Variants in SCARA5 observed in about 807,000 individuals in gnomAD.
The protein encoded by SCARA5 is scavenger receptor class A member 5, also known as scavenger receptor class A, member 5 (putative).
In SCARA5, 45 loss-of-function variants were observed where a neutral mutation model predicts 46.3. The ratio of observed to expected loss-of-function variants is 0.97; its 90% CI spans 0.76 to 1.24. The LOEUF is 1.24. Among genes scored for constraint, SCARA5 ranks in the 50% most tolerant of loss-of-function variants. The pLI, the probability that SCARA5 is intolerant of heterozygous loss-of-function variation, is 0.00. For synonymous variants in SCARA5, 333 were observed against 306.5 expected (o/e 1.09, Z -0.90); for missense variants, 680 against 689.0 (o/e 0.99, Z 0.15).
chr8:27,983,164 C>A (rs189230650), intron 2 of SCARA5, among the ~76,000 whole-genome samples: 2 of 152,302 alleles, frequency 1.3e-5, no homozygotes, highest in Non-Finnish European at 2.9e-5. Context: ...GACTCCTCAG[C>A]ACTTCTGCCT....
intron 4 of SCARA5, among the ~76,000 whole-genome samples, chr8:27,920,848 C>T (rs772511407): frequency 2.4e-4 from 36 of 151,358 alleles, no homozygotes; most frequent in Non-Finnish European, 3.8e-4. Flanking sequence ...AGTTACAGGG[C>T]GCCTGTAGTC....
At chr8:27,881,961 C>T (rs1320934607) in intron 7 of SCARA5, among the ~76,000 whole-genome samples, 1 of 152,194 alleles carries the variant, frequency 6.6e-6, no homozygotes, top group Non-Finnish European at 1.5e-5. Context: ...AATGTGTATT[C>T]GCCATTACGA....
At chr8:27,903,122 T>C (rs12674732) in intron 7 of SCARA5, 63,169 of 151,940 alleles carry the variant, frequency 0.42, 13,324 homozygotes, top group East Asian at 0.55. Flanking sequence ...GGCCTCTTTT[T>C]GGGAGTGAGG....
chr8:27,911,366 A>G (rs1361849169), intron 4 of SCARA5, among the ~76,000 whole-genome samples: 2 of 152,142 alleles, frequency 1.3e-5, no homozygotes, highest in East Asian at 3.9e-4. Flanking sequence ...TCAGACTCCA[A>G]GCTCTCACCT....
chr8:27,896,116 G>A (rs1452938324), intron 7 of SCARA5, among the ~76,000 whole-genome samples: 2 of 152,186 alleles, frequency 1.3e-5, no homozygotes. Flanking sequence ...GCAGTGAGAG[G>A]TCAGAGTCAA....
chr8:27,963,049 C>A (rs775356014), intron 3 of SCARA5, among the ~76,000 whole-genome samples: 19 of 152,224 alleles, frequency 1.2e-4, no homozygotes, highest in Non-Finnish European at 2.1e-4. Flanking sequence ...CCTCACCCCA[C>A]ATTCGAATCC....
At chr8:27,909,363 A>T (rs2726990) in intron 5 of SCARA5, among the ~76,000 whole-genome samples, 1 of 151,582 alleles carries the variant, frequency 6.6e-6, no homozygotes, top group Admixed American at 6.6e-5. Context: ...AACATCTCCA[A>T]CTCCTTCTGC....
intron 8 of SCARA5, 118 bp downstream of exon 8, chr8:27,879,450 TG>T: frequency 1.1e-6 from 1 of 938,510 alleles, no homozygotes; most frequent in Non-Finnish European, 1.7e-6. Context: ...AGCAAGCATT[TG>T]GGGAGAGGCT....
intron 7 of SCARA5, among the ~76,000 whole-genome samples, chr8:27,885,073 C>T (rs928693451): frequency 1.3e-5 from 2 of 151,034 alleles, no homozygotes; most frequent in Non-Finnish European, 2.9e-5. Context: ...CCATCTTGGC[C>T]GAGTGGACAA....
At chr8:27,946,690 C>A (rs1266051955) in intron 3 of SCARA5, among the ~76,000 whole-genome samples, 3 of 152,220 alleles carry the variant, frequency 2.0e-5, no homozygotes, top group Non-Finnish European at 4.4e-5. Context: ...GCCCCAGGCA[C>A]AGTGGATTAT....
chr8:27,918,597 AGGAGAAGGAGGAGGAAGAGGAGGG>A (rs1406118146), intron 4 of SCARA5, among the ~76,000 whole-genome samples: 94 of 150,132 alleles, frequency 6.3e-4, no homozygotes, highest in African/African-American at 2.2e-3. Flanking sequence ...GAAGAAGAGG[AGGAGAAGGAGGAGGAAGAGGAGGG>A]GGAGCAGGAG....
At chr8:27,947,035 G>A (rs1286121481) in intron 3 of SCARA5, among the ~76,000 whole-genome samples, 2 of 149,760 alleles carry the variant, frequency 1.3e-5, no homozygotes, top group South Asian at 2.1e-4. Context: ...TTTTTGAGAG[G>A]GAGTCTCGCT....
chr8:27,938,806 A>ACC (rs939547499), intron 3 of SCARA5, among the ~76,000 whole-genome samples: 1 of 152,080 alleles, frequency 6.6e-6, no homozygotes, highest in African/African-American at 2.4e-5. Context: ...TGTAGCACCC[A>ACC]CCCATCGTAA....
chr8:27,975,586 T>G (rs1181624618), intron 2 of SCARA5, among the ~76,000 whole-genome samples: 1 of 152,172 alleles, frequency 6.6e-6, no homozygotes, highest in Admixed American at 6.5e-5. Context: ...TGGCATCCGT[T>G]AGAGAACCCA....
intron 3 of SCARA5, among the ~76,000 whole-genome samples, chr8:27,952,055 G>GTGGTCCT (rs6150520): frequency 0.98 from 148,482 of 152,120 alleles, 72,502 homozygotes; most frequent in East Asian, 1. Flanking sequence ...TTGGGTTGGG[G>GTGGTCCT]ACCAATATGA....
At chr8:27,916,130 T>G (rs2129791880) in intron 4 of SCARA5, among the ~76,000 whole-genome samples, 1 of 152,264 alleles carries the variant, frequency 6.6e-6, no homozygotes, top group Non-Finnish European at 1.5e-5. Context: ...AGAGAAAAAC[T>G]GGAGACAAAG....
In SCARA5 at chr8:27,871,968, G is replaced by T. The variant is rs1395821403; in HGVS notation, c.1454C>A (p.Ala485Asp). 6.2e-7 allele frequency: 1 copy of T among 1,614,230 alleles called. No homozygotes were observed. The highest frequency in any genetic ancestry group is 1.7e-5 in the Admixed American group (1 of 60,028). ...SKWGVTNCGH[A>D]EDASVTCNRH ...GTTGCATGTCACGCTGGCATCTTCG[G>T]CATGTCCACAGTTTGTCACCCCCCA... Residue 485 changes from alanine (A) to aspartate (D), a missense_variant, in exon 9 of 9, where the codon GCC becomes GAC. Around this residue, in one of 3 missense-constraint regions of SCARA5, gnomAD observed 219 missense variants for 269.5 expected, o/e 0.81. Coordinates refer to ENST00000354914, the MANE Select transcript of SCARA5 (RefSeq NM_173833.6).
intron 3 of SCARA5, among the ~76,000 whole-genome samples, chr8:27,947,981 G>A (rs2685421): frequency 0.3 from 45,030 of 152,014 alleles, 6,774 homozygotes; most frequent in East Asian, 0.42. Context: ...GGGGCTGGGG[G>A]AATGAGGAGT....
chr8:27,871,608 A>T lies in SCARA5; in HGVS notation c.*326T>A. On this transcript the variant is annotated 3_prime_UTR_variant, in exon 9 of 9. Transcript: ENST00000354914. The stretch of plus-strand genomic sequence containing the variant: ...ATTCTCAGCATTCACCTGTAACTAA[A>T]AGGCCAAAGGGAACTGGGATATTGA... 8.4e-7 allele frequency: 1 copy of T among 1,184,994 alleles called. No individual in the cohort carries two copies. The highest frequency in any genetic ancestry group is 1.1e-6 in the Non-Finnish European group (1 of 950,820). The allele number at this position is 1,184,994 out of a possible 1,614,324, so 73.4% of individuals were successfully genotyped here. A position where few individuals can be genotyped will look rare whatever the true frequency, so the allele number is the denominator to read the frequency against.
Sources: allele counts gnomAD v4.1 joint callset (sites outside exome capture counted in the v4.1 genomes callset), GRCh38; gene constraint gnomAD v4.1.1; regional missense constraint gnomAD v4.1.1; transcripts MANE v1.5; gene names NCBI Gene and HGNC (gene_info 2026-07-23, HGNC 2026-07-21).